MDGA2: variants seen among roughly 807,000 people sequenced by gnomAD.
MDGA2 encodes the protein MAM domain containing glycosylphosphatidylinositol anchor 2.
A neutral mutation model predicts 117.8 loss-of-function variants in MDGA2; 40 were observed. The ratio of observed to expected loss-of-function variants is 0.34; its 90% CI spans 0.26 to 0.44. The LOEUF (loss-of-function observed/expected upper bound fraction) is 0.44, where lower values mean the gene tolerates loss of function less well. Ranked by LOEUF, MDGA2 falls within the 20% of genes least tolerant of loss-of-function variation. MDGA2 has a pLI of 1.00. For missense variants in MDGA2, 1,123 were observed against 1,250.6 expected, an observed-to-expected ratio of 0.90 and a Z score of 1.54; for synonymous variants, 452 against 439.0, an observed-to-expected ratio of 1.03 and a Z score of -0.37.
At chr14:47,325,538 A>T (rs4581610) in intron 1 of MDGA2, among the ~76,000 whole-genome samples, 4 of 152,044 alleles carry the variant, frequency 2.6e-5, no homozygotes, top group Non-Finnish European at 4.4e-5. Flanking sequence ...TACTTTGAAA[A>T]GTACTATAAT....
intron 1 of MDGA2, among the ~76,000 whole-genome samples, chr14:47,327,434 T>A (rs769296611): frequency 6.6e-6 from 1 of 152,158 alleles, no homozygotes; most frequent in Non-Finnish European, 1.5e-5. Context: ...AACAAGGATA[T>A]CATCTGATTC....
At chr14:46,957,339 C>CA in intron 9 of MDGA2, 35 bp downstream of exon 9, 2 of 1,592,754 alleles carry the variant, frequency 1.3e-6, no homozygotes, top group East Asian at 4.5e-5. Context: ...TCTAATAAAA[C>CA]AAAATGTATA....
intron 3 of MDGA2, among the ~76,000 whole-genome samples, chr14:47,157,595 ATGTGTGTGTGTGTGTGTGTGTGTGTG>A (rs55697311): frequency 6.9e-6 from 1 of 144,436 alleles, no homozygotes; most frequent in Non-Finnish European, 1.5e-5. Context: ...ATGTACATAT[ATGTGTGTGTGTGTGTGTGTGTGTGTG>A]TGTGTGTGTG....
intron 8 of MDGA2, among the ~76,000 whole-genome samples, chr14:47,030,676 A>G (rs959208784): frequency 2.6e-5 from 4 of 152,156 alleles, no homozygotes; most frequent in African/African-American, 9.6e-5. Context: ...CAAATATTCA[A>G]AAAAATTGTA....
intron 2 of MDGA2, among the ~76,000 whole-genome samples, chr14:47,240,960 A>G (rs1263100756): frequency 6.6e-6 from 1 of 151,886 alleles, no homozygotes; most frequent in Non-Finnish European, 1.5e-5. Context: ...CATACCATCC[A>G]AGAGTATAAA....
rs1176997505 is a variant in MDGA2 at position 47,340,799 on chromosome 14, C to G, written c.281-39249G>C. Among the ~76,000 whole-genome samples, 4 of 152,106 alleles carry G rather than the reference C, an allele frequency of 2.6e-5. No individual in the cohort carries two copies. The South Asian group carries it at 8.3e-4, about 31-fold the overall frequency. The stretch of plus-strand genomic sequence containing the variant: ...ATTCTCAGACCAGGCAATCACTACA[C>G]GTTGATTATAATTGACATTTTAAAT... On this transcript the variant is annotated intron_variant, in intron 1 of 16. Transcript: ENST00000399232.
At chr14:46,896,995 T>G (rs1027929003) in intron 10 of MDGA2, among the ~76,000 whole-genome samples, 3 of 152,186 alleles carry the variant, frequency 2.0e-5, no homozygotes, top group Admixed American at 1.3e-4. Flanking sequence ...ATTGAAATAG[T>G]GATATATCCA....
At chr14:47,261,794 C>A (rs74763283) in intron 2 of MDGA2, among the ~76,000 whole-genome samples, 1 of 152,104 alleles carries the variant, frequency 6.6e-6, no homozygotes, top group Admixed American at 6.6e-5. Context: ...TCTTATGAGC[C>A]CACCTGTGTG....
intron 1 of MDGA2, among the ~76,000 whole-genome samples, chr14:47,324,046 C>T (rs920436452): frequency 2.0e-5 from 3 of 151,570 alleles, no homozygotes; most frequent in African/African-American, 7.3e-5. Flanking sequence ...GAGACTGAGA[C>T]CATCCTGGCT....
intron 1 of MDGA2, among the ~76,000 whole-genome samples, chr14:47,425,525 G>T (rs920606305): frequency 2.0e-4 from 30 of 151,980 alleles, no homozygotes; most frequent in African/African-American, 6.5e-4. Flanking sequence ...GCACACACGC[G>T]CACACAGAGA....
At chr14:47,631,987 C>T (rs1027826944) in intron 1 of MDGA2, among the ~76,000 whole-genome samples, 7 of 151,270 alleles carry the variant, frequency 4.6e-5, no homozygotes, top group Admixed American at 2.0e-4. Flanking sequence ...TTATGTATGA[C>T]CCAAGATGAA....
chr14:47,232,561 A>G (rs1228535543), intron 2 of MDGA2, among the ~76,000 whole-genome samples: 1 of 151,990 alleles, frequency 6.6e-6, no homozygotes, highest in African/African-American at 2.4e-5. Flanking sequence ...CTCTCCACCA[A>G]CCTCAATGAG....
chr14:47,212,696 T>C (rs1046516251), intron 3 of MDGA2, among the ~76,000 whole-genome samples: 1 of 152,216 alleles, frequency 6.6e-6, no homozygotes. Flanking sequence ...ATTTATAGCG[T>C]GCTTTTGGTT....
At chr14:47,586,782 T>C (rs1455392397) in intron 1 of MDGA2, among the ~76,000 whole-genome samples, 2 of 151,790 alleles carry the variant, frequency 1.3e-5, no homozygotes, top group African/African-American at 4.8e-5. Flanking sequence ...CATAAGGAAA[T>C]TGAGTACCTA....
chr14:47,095,086 T>A (rs1879884879), intron 6 of MDGA2, among the ~76,000 whole-genome samples: 1 of 152,084 alleles, frequency 6.6e-6, no homozygotes, highest in Non-Finnish European at 1.5e-5. Context: ...GCAGTCACAC[T>A]CATGCATTCC....
chr14:47,301,281 ACACC>A, intron 2 of MDGA2, 126 bp downstream of exon 2: 4 of 875,026 alleles, frequency 4.6e-6, no homozygotes, highest in Non-Finnish European at 6.5e-6. Context: ...ACACACACAC[ACACC>A]CACACCCACC....
chr14:47,457,353 C>T (rs931669074), intron 1 of MDGA2, among the ~76,000 whole-genome samples: 1 of 152,118 alleles, frequency 6.6e-6, no homozygotes, highest in Non-Finnish European at 1.5e-5. Context: ...AAAAGGCACA[C>T]TTTCTGCAAA....
At chr14:47,155,754 G>T (rs1883342822) in intron 3 of MDGA2, among the ~76,000 whole-genome samples, 1 of 152,120 alleles carries the variant, frequency 6.6e-6, no homozygotes, top group Non-Finnish European at 1.5e-5. Flanking sequence ...AACAAACCCA[G>T]TGAAACTGAG....
rs1884480464 is a variant in MDGA2 at position 46,929,638 on chromosome 14, TA to T, written c.2090-9479del. On this transcript the variant is annotated intron_variant, in intron 9 of 16. Transcript: ENST00000399232. ...ATATATATATATATATATATATATA[TA>T]TATATATACATTTTTTTTTTTTTTT... Among the ~76,000 whole-genome samples the T allele has an allele frequency of 2.8e-4, 13 of 47,246 alleles. 4 individuals are homozygous for T. Among genetic ancestry groups the T allele is most frequent in the Admixed American group, 7.2e-4 (3 of 4,190 alleles). The allele number at this position is 47,246 out of a possible 152,430, so 31.0% of individuals were successfully genotyped here. A position where few individuals can be genotyped will look rare whatever the true frequency, so the allele number is the denominator to read the frequency against.
Sources: allele counts gnomAD v4.1 joint callset (sites outside exome capture counted in the v4.1 genomes callset), GRCh38; gene constraint gnomAD v4.1.1; transcripts MANE v1.5; gene names NCBI Gene and HGNC (gene_info 2026-07-23, HGNC 2026-07-21).